Variants in SNX24 observed in about 807,000 individuals in gnomAD.
SNX24 encodes the protein sorting nexin 24, also known as sorting nexin-24.
In SNX24, 22 loss-of-function variants were observed where a neutral mutation model predicts 28.7. The ratio of observed to expected loss-of-function variants is 0.77; its 90% CI spans 0.55 to 1.10. The LOEUF (loss-of-function observed/expected upper bound fraction) is 1.10. SNX24 is among the 50% of genes least tolerant of loss of function. The pLI is 0.00. For synonymous variants in SNX24, 69 were observed against 71.5 expected (o/e 0.96, Z 0.18); for missense variants, 221 against 201.1 (o/e 1.10, Z -0.60).
chr5:122,923,113 T>G (rs1464969523), intron 1 of SNX24, among the ~76,000 whole-genome samples: 1 of 152,114 alleles, frequency 6.6e-6, no homozygotes, highest in African/African-American at 2.4e-5. Context: ...AGCAGATCGC[T>G]TGAAGCCAAG....
chr5:122,923,466 T>G (rs1232600617), intron 1 of SNX24, among the ~76,000 whole-genome samples: 2 of 152,202 alleles, frequency 1.3e-5, no homozygotes, highest in African/African-American at 4.8e-5. Context: ...AAAACTGAAT[T>G]GATGCTCTCT....
rs1482848513 is a variant in SNX24, at chr5:122,946,174, G to C, written c.249+15G>C. ...CATACTTACAGGTAAGATATGTTTA[G>C]ATCCTCATTTTATATAACATAAATA... On this transcript the variant is annotated intron_variant, in intron 3 of 6. Transcript: ENST00000261369. 1 of 1,429,332 alleles carries C rather than the reference G, an allele frequency of 7.0e-7. No homozygotes were observed. The highest frequency in any genetic ancestry group is 9.8e-7 in the Non-Finnish European group (1 of 1,018,212). The allele number at this position is 1,429,332 out of a possible 1,614,324, so 88.5% of individuals were successfully genotyped here. A position where few individuals can be genotyped will look rare whatever the true frequency, so the allele number is the denominator to read the frequency against.
chr5:123,028,220 A>T (rs889348118), intron 5 of SNX24, among the ~76,000 whole-genome samples: 4 of 152,226 alleles, frequency 2.6e-5, no homozygotes, highest in African/African-American at 9.6e-5. Context: ...AAATGAAAAC[A>T]CATAGCCAGG....
At chr5:122,899,712 T>A (rs571722705) in intron 1 of SNX24, among the ~76,000 whole-genome samples, 6 of 152,194 alleles carry the variant, frequency 3.9e-5, no homozygotes, top group African/African-American at 7.2e-5. Flanking sequence ...CCTGGCCCCC[T>A]CTGTTGAATA....
chr5:122,888,527 G>A lies in SNX24; in HGVS notation c.60+42834G>A, dbSNP rs189460282. On this transcript the variant is annotated intron_variant, in intron 1 of 6. Coordinates refer to ENST00000261369, the MANE Select transcript of SNX24 (RefSeq NM_014035.4). ...AAGTTATTGCTCAGAAGAGTATCTG[G>A]ATCATAATAAGCACTTCATAAATTC... Among the ~76,000 whole-genome samples the A allele has an allele frequency of 4.8e-3, 732 of 152,262 alleles. 4 individuals are homozygous for A. The highest frequency in any genetic ancestry group is 7.5e-3 in the Non-Finnish European group (511 of 68,016).
intron 1 of SNX24, among the ~76,000 whole-genome samples, chr5:122,871,256 T>C (rs1307659782): frequency 1.3e-5 from 2 of 152,208 alleles, no homozygotes; most frequent in Non-Finnish European, 2.9e-5. Context: ...GCTCAGGCTC[T>C]GGTACTGTTT....
chr5:122,871,718 G>A (rs764137660), intron 1 of SNX24, among the ~76,000 whole-genome samples: 19 of 152,208 alleles, frequency 1.2e-4, no homozygotes, highest in Admixed American at 2.6e-4. Flanking sequence ...TGCAGTGAGC[G>A]GAGATCACGC....
chr5:122,975,166 T>C (rs1165215784), intron 3 of SNX24, among the ~76,000 whole-genome samples: 4 of 152,196 alleles, frequency 2.6e-5, no homozygotes, highest in African/African-American at 4.8e-5. Context: ...CCTTCTGTTA[T>C]AGCTCTTATG....
intron 3 of SNX24, among the ~76,000 whole-genome samples, chr5:122,970,270 A>G (rs568295037): frequency 1.3e-5 from 2 of 151,250 alleles, no homozygotes; most frequent in Admixed American, 6.6e-5. Context: ...CTACTTGTTT[A>G]TAGTTTATTA....
intron 1 of SNX24, among the ~76,000 whole-genome samples, chr5:122,898,534 T>C (rs1757299080): frequency 6.6e-6 from 1 of 152,176 alleles, no homozygotes; most frequent in Non-Finnish European, 1.5e-5. Context: ...CACTCTGAGT[T>C]TGTGTATAGG....
At chr5:122,856,697 G>C (rs558190209) in intron 1 of SNX24, among the ~76,000 whole-genome samples, 44 of 152,018 alleles carry the variant, frequency 2.9e-4, no homozygotes, top group Middle Eastern at 3.4e-3. Flanking sequence ...TGCATTTTTA[G>C]TAGAGATGGG....
At chr5:122,902,123 G>T (rs768501970) in intron 1 of SNX24, among the ~76,000 whole-genome samples, 2 of 152,078 alleles carry the variant, frequency 1.3e-5, no homozygotes, top group Non-Finnish European at 2.9e-5. Flanking sequence ...ACTCCTCCTT[G>T]TTCACCCATC....
intron 5 of SNX24, among the ~76,000 whole-genome samples, chr5:123,021,112 C>G (rs1178504965): frequency 6.6e-6 from 1 of 151,468 alleles, no homozygotes; most frequent in Admixed American, 6.6e-5. Context: ...GTTCCCCCCC[C>G]GTCCCCATGG....
At chr5:122,856,344 G>A (rs947886757) in intron 1 of SNX24, among the ~76,000 whole-genome samples, 1 of 152,108 alleles carries the variant, frequency 6.6e-6, no homozygotes, top group East Asian at 1.9e-4. Context: ...TGGCGTATAT[G>A]TACCGAGATT....
intron 3 of SNX24, among the ~76,000 whole-genome samples, chr5:122,991,870 A>G (rs1412032683): frequency 6.6e-6 from 1 of 152,240 alleles, no homozygotes; most frequent in African/African-American, 2.4e-5. Context: ...AGATGTTAAG[A>G]TAAAATCCAA....
At chr5:122,997,699 G>C (rs1762099102) in intron 3 of SNX24, among the ~76,000 whole-genome samples, 1 of 152,154 alleles carries the variant, frequency 6.6e-6, no homozygotes, top group South Asian at 2.1e-4. Context: ...AAAGATCCTG[G>C]AAATTAAGTA....
At chr5:122,993,533 C>T (rs952335913) in intron 3 of SNX24, among the ~76,000 whole-genome samples, 1 of 152,182 alleles carries the variant, frequency 6.6e-6, no homozygotes, top group Non-Finnish European at 1.5e-5. Context: ...ATCTCTTGAC[C>T]TGGTGATCTG....
At chr5:122,882,980 G>A (rs1319851205) in intron 1 of SNX24, among the ~76,000 whole-genome samples, 1 of 152,086 alleles carries the variant, frequency 6.6e-6, no homozygotes, top group Admixed American at 6.6e-5. Flanking sequence ...CTTGAGTGGA[G>A]GAATGGGTGG....
At chr5:122,893,856 A>G (rs930892055) in intron 1 of SNX24, among the ~76,000 whole-genome samples, 37 of 152,134 alleles carry the variant, frequency 2.4e-4, no homozygotes, top group Non-Finnish European at 4.4e-5. Flanking sequence ...CAGCCTGGCC[A>G]AAAATGTTGA....
Sources: allele counts gnomAD v4.1 joint callset (sites outside exome capture counted in the v4.1 genomes callset), GRCh38; gene constraint gnomAD v4.1.1; transcripts MANE v1.5; gene names NCBI Gene and HGNC (gene_info 2026-07-23, HGNC 2026-07-21).